Variants in OSBPL6 observed in about 807,000 individuals in gnomAD.
The protein encoded by OSBPL6 is oxysterol-binding protein-related protein 6.
Under a neutral mutation model 125.8 loss-of-function variants are expected in OSBPL6, and 49 were observed. The observed-to-expected ratio is 0.39, with a 90% CI of 0.31 to 0.49. OSBPL6 has a LOEUF of 0.49. Among genes scored for constraint, OSBPL6 ranks in the 20% least tolerant of loss-of-function variants. OSBPL6 has a pLI of 0.88. For missense variants in OSBPL6, 986 were observed against 1,135.4 expected, an observed-to-expected ratio of 0.87 and a Z score of 1.89; for synonymous variants, 394 against 391.8, an observed-to-expected ratio of 1.01 and a Z score of -0.07.
intron 1 of OSBPL6, among the ~76,000 whole-genome samples, chr2:178,283,961 C>A (rs997559909): frequency 3.9e-5 from 6 of 152,182 alleles, no homozygotes; most frequent in Non-Finnish European, 8.8e-5. Flanking sequence ...ACACCTCCCA[C>A]CAGGCCTCAC....
intron 1 of OSBPL6, among the ~76,000 whole-genome samples, chr2:178,245,480 C>T (rs183497379): frequency 5.0e-4 from 76 of 152,270 alleles, no homozygotes; most frequent in Non-Finnish European, 8.5e-4. Context: ...GCCACACACC[C>T]TTCATTAAGA....
intron 1 of OSBPL6, among the ~76,000 whole-genome samples, chr2:178,209,732 G>T (rs2089748066): frequency 6.6e-6 from 1 of 151,896 alleles, no homozygotes; most frequent in Admixed American, 6.6e-5. Context: ...TTCATGGACA[G>T]AGCTGGTCCT....
intron 1 of OSBPL6, among the ~76,000 whole-genome samples, chr2:178,195,784 T>G (rs1384110965): frequency 2.2e-4 from 33 of 150,550 alleles, no homozygotes. Context: ...GTTTAGCCAA[T>G]TGTCTATTAT....
intron 1 of OSBPL6, among the ~76,000 whole-genome samples, chr2:178,244,127 A>G (rs1475861984): frequency 6.6e-6 from 1 of 152,062 alleles, no homozygotes; most frequent in African/African-American, 2.4e-5. Context: ...ACACTGCTCA[A>G]ACTCCGCTGG....
At chr2:178,269,262 C>T (rs552061792) in intron 1 of OSBPL6, among the ~76,000 whole-genome samples, 172 of 152,270 alleles carry the variant, frequency 1.1e-3, no homozygotes, top group African/African-American at 3.7e-3. Flanking sequence ...TCCAGGACCT[C>T]ATTGTGTTTG....
intron 3 of OSBPL6, among the ~76,000 whole-genome samples, chr2:178,318,013 T>A (rs1405932043): frequency 6.6e-6 from 1 of 152,234 alleles, no homozygotes; most frequent in Non-Finnish European, 1.5e-5. Context: ...TGTGGTTTCC[T>A]CTGATTTAGT....
intron 3 of OSBPL6, among the ~76,000 whole-genome samples, chr2:178,309,666 C>T (rs1687090744): frequency 6.6e-6 from 1 of 152,204 alleles, no homozygotes; most frequent in South Asian, 2.1e-4. Flanking sequence ...AGTTAGAAGG[C>T]TTTAATAATT....
chr2:178,317,489 ATT>A (rs1687861522), intron 3 of OSBPL6, among the ~76,000 whole-genome samples: 1 of 90,814 alleles, frequency 1.1e-5, no homozygotes, highest in Non-Finnish European at 2.2e-5. Context: ...TAGAATAATT[ATT>A]CATTCATTCA....
intron 3 of OSBPL6, 87 bp downstream of exon 3, chr2:178,306,373 A>G (rs898422063): frequency 6.7e-5 from 56 of 834,430 alleles, no homozygotes; most frequent in Non-Finnish European, 1.0e-4. Flanking sequence ...TAATTCTGAA[A>G]TTTTGTTGTA....
rs375251319 is a variant in OSBPL6, at chr2:178,307,961, G to A, written c.102+1675G>A. Among the ~76,000 whole-genome samples the A allele has an allele frequency of 1.6e-4, 25 of 152,304 alleles. No individual in the cohort carries two copies. The East Asian group carries it at 4.4e-3, about 27-fold the overall frequency. ...GGTGTGCCGGAGGGAGCATGAAGGT[G>A]GAATGTGTGACTCCTCACTGGCTTG... On this transcript the variant is annotated intron_variant, in intron 3 of 24. Coordinates refer to ENST00000190611, the MANE Select transcript of OSBPL6 (RefSeq NM_032523.4).
chr2:178,249,023 AC>A (rs1213015867), intron 1 of OSBPL6, among the ~76,000 whole-genome samples: 1 of 151,678 alleles, frequency 6.6e-6, no homozygotes, highest in African/African-American at 2.4e-5. Context: ...TGCAACCTCC[AC>A]CTCCCCGGTT....
At chr2:178,209,229 G>C (rs1251193784) in intron 1 of OSBPL6, among the ~76,000 whole-genome samples, 1 of 151,872 alleles carries the variant, frequency 6.6e-6, no homozygotes, top group Non-Finnish European at 1.5e-5. Flanking sequence ...CTGATTATTT[G>C]GGTATTAGAC....
intron 22 of OSBPL6, 59 bp downstream of exon 22, chr2:178,391,276 A>G (rs2154118881): frequency 6.7e-7 from 1 of 1,490,700 alleles, no homozygotes; most frequent in Non-Finnish European, 8.9e-7. Flanking sequence ...AGAAGGGAAG[A>G]GAACATCAGG....
At chr2:178,214,863 A>T (rs1218321709) in intron 1 of OSBPL6, among the ~76,000 whole-genome samples, 1 of 152,036 alleles carries the variant, frequency 6.6e-6, no homozygotes, top group Non-Finnish European at 1.5e-5. Context: ...AGGCAGGAGG[A>T]TTGCTTGAGC....
chr2:178,390,096 G>A (rs1695271465), intron 21 of OSBPL6, among the ~76,000 whole-genome samples: 1 of 152,194 alleles, frequency 6.6e-6, no homozygotes, highest in Admixed American at 6.5e-5. Flanking sequence ...ATGAGAAGCT[G>A]CAGTGCAGTC....
chr2:178,269,815 A>AC (rs1228912999), intron 1 of OSBPL6, among the ~76,000 whole-genome samples: 1 of 152,206 alleles, frequency 6.6e-6, no homozygotes, highest in African/African-American at 2.4e-5. Context: ...TAGGGCCATC[A>AC]CTTAGGAAGG....
At chr2:178,209,366 G>C (rs1433786370) in intron 1 of OSBPL6, among the ~76,000 whole-genome samples, 1 of 149,218 alleles carries the variant, frequency 6.7e-6, no homozygotes, top group Non-Finnish European at 1.5e-5. Context: ...TTTATTTTCT[G>C]GGTTTTCAAA....
intron 21 of OSBPL6, 58 bp from the exon 22 acceptor site, chr2:178,391,015 A>T (rs3816073): frequency 0.026 from 41,454 of 1,586,042 alleles, 911 homozygotes; most frequent in East Asian, 0.14. Flanking sequence ...TATGGAAAAT[A>T]CAGGGAATGA....
intron 1 of OSBPL6, among the ~76,000 whole-genome samples, chr2:178,209,439 C>CTTTT (rs71850875): frequency 4.2e-5 from 4 of 95,742 alleles, no homozygotes; most frequent in South Asian, 3.6e-4. Context: ...TTCTTTCTTT[C>CTTTT]TTTTTTTTTT....
Sources: gnomAD v4.1 joint callset for allele counts (sites outside exome capture counted in the v4.1 genomes callset) on GRCh38, gnomAD v4.1.1 for gene constraint, MANE v1.5 for transcripts, NCBI Gene and HGNC (gene_info 2026-07-23, HGNC 2026-07-21) for gene names.